Variants in ZNF248 observed in about 807,000 individuals in gnomAD.
The protein encoded by ZNF248 is KRAB protein domain.
Under a neutral mutation model 44.3 loss-of-function variants are expected in ZNF248, and 20 were observed. The observed-to-expected ratio is 0.45, with a 90% CI of 0.32 to 0.66. ZNF248 has a LOEUF of 0.66. ZNF248 is among the 30% of genes least tolerant of loss of function. The pLI is 0.04. For missense variants in ZNF248, 654 were observed against 677.0 expected (o/e 0.97, Z 0.38); for synonymous variants, 224 against 229.0 (o/e 0.98, Z 0.20).
chr10:37,807,551 T>C (rs932414042), intron 6 of ZNF248, among the ~76,000 whole-genome samples: 3 of 152,230 alleles, frequency 2.0e-5, no homozygotes, highest in Admixed American at 6.5e-5. Context: ...AGTCTTCCTA[T>C]CAATGTACAT....
intron 6 of ZNF248, among the ~76,000 whole-genome samples, chr10:37,798,587 G>T (rs2049420877): frequency 6.6e-6 from 1 of 152,040 alleles, no homozygotes; most frequent in South Asian, 2.1e-4. Context: ...TATATACACA[G>T]ATACACATGT....
At chr10:37,787,862 C>G (rs2048067594) in intron 6 of ZNF248, among the ~76,000 whole-genome samples, 1 of 152,126 alleles carries the variant, frequency 6.6e-6, no homozygotes, top group African/African-American at 2.4e-5. Flanking sequence ...TTAAAAGTGA[C>G]AGCTATTGTG....
At chr10:37,824,250 T>C (rs2053985179), downstream of ZNF248, among the ~76,000 whole-genome samples, 1 of 152,152 alleles carries the variant, frequency 6.6e-6, no homozygotes. Flanking sequence ...CTCACGAGTG[T>C]TGGCATTTTT....
Position 37,830,026 on chromosome 10 carries a change from C to A in ZNF248, c.*1589G>T. ...TGCTGACCAATGTGTTCCAAGGGGG[C>A]AAAAGAAACAACAGGACAAGGGAGG... On this transcript the variant is annotated 3_prime_UTR_variant, in exon 6 of 6. Coordinates refer to ENST00000395867, the MANE Select transcript of ZNF248 (RefSeq NM_021045.3). 1 of 985,234 alleles carries A rather than the reference C, an allele frequency of 1.0e-6. No homozygotes were observed. The highest frequency in any genetic ancestry group is 1.2e-6 in the Non-Finnish European group (1 of 829,926). The allele number at this position is 985,234 out of a possible 1,614,324, so 61.0% of individuals were successfully genotyped here.
chr10:37,823,320 G>A (rs1225006667), intron 6 of ZNF248, among the ~76,000 whole-genome samples: 5 of 104,484 alleles, frequency 4.8e-5, no homozygotes, highest in African/African-American at 1.9e-4. Flanking sequence ...GTGACAGAGC[G>A]AGACTCCGTC....
In ZNF248 at chr10:37,788,002, CT is replaced by C. The variant is rs1257746700; in HGVS notation, c.331-11428del. On this transcript the variant is annotated intron_variant, in intron 6 of 6. Transcript: ENST00000615949. ...CTTACAACTTGGCCAGGCATGGTGG[CT>C]CAAGTCTGTAATCCCAGCACTTTGG... 3.3e-5 allele frequency among the ~76,000 whole-genome samples: 5 copies of C among 152,238 alleles called. No homozygotes were observed. In the East Asian group the frequency reaches 9.7e-4, roughly 29 times the overall value.
rs181464059 is a variant in ZNF248, at chr10:37,852,254, A to G, written c.15+4042T>C. 8.5e-3 allele frequency among the ~76,000 whole-genome samples: 1,298 copies of G among 152,196 alleles called. 9 individuals are homozygous for G. Among genetic ancestry groups the G allele is most frequent in the Middle Eastern group, 0.024 (7 of 294 alleles). The stretch of plus-strand genomic sequence containing the variant: ...AAGAGTGAAACTCCACCTCAAAAAA[A>G]AAAAAATGTGATATATCCATACCAT... On this transcript the variant is annotated intron_variant, in intron 3 of 5. Transcript: ENST00000395867.
At chr10:37,840,742 A>C (rs2058185190) in intron 3 of ZNF248, among the ~76,000 whole-genome samples, 1 of 152,270 alleles carries the variant, frequency 6.6e-6, no homozygotes, top group Admixed American at 6.5e-5. Context: ...AGATTATGCC[A>C]CTGCACTCCA....
intron 3 of ZNF248, among the ~76,000 whole-genome samples, chr10:37,855,908 C>T (rs966078814): frequency 8.5e-5 from 13 of 152,328 alleles, no homozygotes; most frequent in South Asian, 4.1e-4. Flanking sequence ...CTCCATTCCT[C>T]CACATCGTCA....
the ZNF248 span, among the ~76,000 whole-genome samples, chr10:37,769,092 T>C: frequency 6.6e-6 from 1 of 152,210 alleles, no homozygotes; most frequent in African/African-American, 2.4e-5. Context: ...AATCTCTGAA[T>C]AGACCAATAA....
downstream of ZNF248, among the ~76,000 whole-genome samples, chr10:37,773,235 A>T (rs2046339297): frequency 6.6e-6 from 1 of 152,080 alleles, no homozygotes; most frequent in East Asian, 1.9e-4. Context: ...ACAGAACAAG[A>T]CTCCGTCTAA....
chr10:37,773,076 G>A (rs1478024263), downstream of ZNF248, among the ~76,000 whole-genome samples: 2 of 152,002 alleles, frequency 1.3e-5, no homozygotes, highest in Middle Eastern at 3.2e-3. Context: ...GCGAAACCCC[G>A]TCCCTACTAA....
intron 6 of ZNF248, among the ~76,000 whole-genome samples, chr10:37,784,458 C>T (rs1000713387): frequency 1.3e-5 from 2 of 152,222 alleles, no homozygotes; most frequent in Admixed American, 6.5e-5. Context: ...ATTAAGATTT[C>T]CGTCTCCCTG....
the ZNF248 span, among the ~76,000 whole-genome samples, chr10:37,758,613 C>T: frequency 1.3e-5 from 2 of 152,216 alleles, no homozygotes; most frequent in African/African-American, 2.4e-5. Flanking sequence ...TGCCACAGTA[C>T]TTATTCTATT....
rs571721445 is a variant in ZNF248, at chr10:37,804,388, AATG to A, written c.331-27816_331-27814del. Reference sequence around the variant, plus strand: ...AGAAAACATAGTTATATATTATTAAAATGATTATTTGAATTATAATAGTGAATC... The same window carrying A: ...AGAAAACATAGTTATATATTATTAAAATTATTTGAATTATAATAGTGAATC... On this transcript the variant is annotated intron_variant, in intron 6 of 6. Coordinates refer to the ZNF248 transcript ENST00000615949. Among the ~76,000 whole-genome samples, 71 of 151,898 alleles carry A rather than the reference AATG, an allele frequency of 4.7e-4. 2 individuals are homozygous for A. In the South Asian group the frequency reaches 0.014, roughly 31 times the overall value.
At chr10:37,811,745 C>A (rs1234966305) in intron 6 of ZNF248, among the ~76,000 whole-genome samples, 1 of 151,464 alleles carries the variant, frequency 6.6e-6, no homozygotes, top group Non-Finnish European at 1.5e-5. Context: ...GCTTGGGAAG[C>A]TGAGGTGGGA....
At chr10:37,836,663 T>C (rs564567571) in intron 5 of ZNF248, among the ~76,000 whole-genome samples, 101 of 152,272 alleles carry the variant, frequency 6.6e-4, no homozygotes, top group African/African-American at 2.2e-3. Flanking sequence ...TCCTTTCCTG[T>C]GTGAATTCTC....
the ZNF248 span, among the ~76,000 whole-genome samples, chr10:37,762,040 A>T: frequency 6.6e-6 from 1 of 152,234 alleles, no homozygotes; most frequent in Non-Finnish European, 1.5e-5. Context: ...AATCATTATG[A>T]AATTGTATTG....
chr10:37,823,711 C>A (rs866153569), intron 6 of ZNF248, among the ~76,000 whole-genome samples: 10 of 152,018 alleles, frequency 6.6e-5, no homozygotes, highest in Middle Eastern at 3.4e-3. Context: ...GTACCTAGGG[C>A]TACAGGCACA....
Sources: gnomAD v4.1 joint callset for allele counts (sites outside exome capture counted in the v4.1 genomes callset) on GRCh38, gnomAD v4.1.1 for gene constraint, MANE v1.5 for transcripts, NCBI Gene and HGNC (gene_info 2026-07-23, HGNC 2026-07-21) for gene names.